The following RARB variants were observed in gnomAD, a reference collection of about 807,000 sequenced individuals.
RARB encodes retinoic acid receptor beta.
In RARB, 17 loss-of-function variants were observed where a neutral mutation model predicts 51.9. That is an observed-to-expected ratio of 0.33 (90% CI 0.22 to 0.49). RARB has a LOEUF of 0.49. Ranked by LOEUF, RARB falls within the 20% of genes least tolerant of loss-of-function variation. The pLI is 0.99. For synonymous variants in RARB, 215 were observed against 195.4 expected (o/e 1.10, Z -0.84); for missense variants, 369 against 550.8 (o/e 0.67, Z 3.30).
chr3:24,855,879 G>A (rs1702627600), intron 1 of RARB, among the ~76,000 whole-genome samples: 1 of 151,358 alleles, frequency 6.6e-6, no homozygotes, highest in Non-Finnish European at 1.5e-5. Context: ...AGCCTCCCGA[G>A]TAGCTGGGAC....
At chr3:25,190,462 G>A (rs75798735) in intron 5 of RARB, among the ~76,000 whole-genome samples, 1 of 152,022 alleles carries the variant, frequency 6.6e-6, no homozygotes, top group Non-Finnish European at 1.5e-5. Context: ...CTTACTGTGG[G>A]TCTTGCATTA....
At position 25,561,246 on chromosome 3, in the gene RARB, A is replaced by G. The variant is rs575234132; in HGVS notation, c.449-8512A>G. ...GATGTGGGTGGGATCTTTGAGTGGT[A>G]GGAATGACCAATTGTTTTCTTTCTT... On this transcript the variant is annotated intron_variant, in intron 3 of 7. Coordinates refer to ENST00000330688, the MANE Select transcript of RARB (RefSeq NM_000965.5). 3.8e-3 allele frequency among the ~76,000 whole-genome samples: 582 copies of G among 152,320 alleles called. 1 individual carries two copies. Among genetic ancestry groups the G allele is most frequent in the African/African-American group, 0.013 (550 of 41,570 alleles).
intron 5 of RARB, among the ~76,000 whole-genome samples, chr3:25,320,373 C>T (rs1376596881): frequency 6.6e-6 from 1 of 152,170 alleles, no homozygotes; most frequent in Non-Finnish European, 1.5e-5. Context: ...TTCACACCAG[C>T]TTCAGATTGA....
chr3:25,500,282 G>A (rs973897852), intron 2 of RARB, among the ~76,000 whole-genome samples: 1 of 151,970 alleles, frequency 6.6e-6, no homozygotes, highest in Non-Finnish European at 1.5e-5. Context: ...GCTCTAACAT[G>A]CCATTAAATG....
intron 2 of RARB, among the ~76,000 whole-genome samples, chr3:24,877,045 G>A (rs1045820088): frequency 2.0e-5 from 3 of 152,074 alleles, no homozygotes; most frequent in African/African-American, 4.8e-5. Context: ...AAATGTATTT[G>A]TTTTATCATG....
rs76236339 is a variant in RARB at position 25,132,605 on chromosome 3, G to A, written c.-280+397G>A. On this transcript the variant is annotated intron_variant, in intron 4 of 11. Transcript: ENST00000383772. ...TTATGGAAGTAAAAGATGATGAAATGAAAACATGTAAACTAATTCATCCAA... is the reference window on the plus strand; with the variant it reads ...TTATGGAAGTAAAAGATGATGAAATAAAAACATGTAAACTAATTCATCCAA... 2.7e-3 allele frequency among the ~76,000 whole-genome samples: 405 copies of A among 152,004 alleles called. 1 individual carries two copies. The highest frequency in any genetic ancestry group is 9.0e-3 in the African/African-American group (372 of 41,516).
intron 3 of RARB, among the ~76,000 whole-genome samples, chr3:25,536,259 A>G (rs1336258047): frequency 6.6e-6 from 1 of 152,226 alleles, no homozygotes; most frequent in Non-Finnish European, 1.5e-5. Flanking sequence ...TCACACAGCT[A>G]GTTAGAGACA....
At chr3:25,384,056 A>T (rs1338474872) in intron 5 of RARB, among the ~76,000 whole-genome samples, 1 of 152,224 alleles carries the variant, frequency 6.6e-6, no homozygotes, top group Non-Finnish European at 1.5e-5. Flanking sequence ...TGGAAGAAGA[A>T]AAAAACAGAA....
chr3:24,937,356 C>T (rs1695567603), intron 2 of RARB, among the ~76,000 whole-genome samples: 2 of 152,154 alleles, frequency 1.3e-5, no homozygotes, highest in African/African-American at 4.8e-5. Context: ...ACCCAGTTCT[C>T]TTGCATGAAG....
intron 5 of RARB, among the ~76,000 whole-genome samples, chr3:25,218,320 C>T (rs1701877375): frequency 6.6e-6 from 1 of 151,974 alleles, no homozygotes; most frequent in African/African-American, 2.4e-5. Flanking sequence ...CGCGTGTGCA[C>T]ACACATATCC....
At chr3:25,565,691 C>G (rs1253479037) in intron 3 of RARB, among the ~76,000 whole-genome samples, 1 of 152,232 alleles carries the variant, frequency 6.6e-6, no homozygotes, top group African/African-American at 2.4e-5. Flanking sequence ...CTGCCACTGA[C>G]AGCCACAGGC....
At chr3:25,524,907 T>C (rs775771677) in intron 3 of RARB, among the ~76,000 whole-genome samples, 3 of 152,060 alleles carry the variant, frequency 2.0e-5, no homozygotes, top group South Asian at 4.2e-4. Context: ...TTTTTGTATA[T>C]TTATAGAGAC....
chr3:24,989,305 A>G (rs1192410077), intron 2 of RARB, among the ~76,000 whole-genome samples: 1 of 152,216 alleles, frequency 6.6e-6, no homozygotes, highest in Non-Finnish European at 1.5e-5. Context: ...TGTCATAGCT[A>G]TATCAGGTGT....
intron 5 of RARB, among the ~76,000 whole-genome samples, chr3:25,352,677 C>T (rs900473716): frequency 6.6e-6 from 1 of 152,194 alleles, no homozygotes; most frequent in African/African-American, 2.4e-5. Flanking sequence ...ATCATGTCAG[C>T]AGGACAAAAT....
intron 5 of RARB, among the ~76,000 whole-genome samples, chr3:25,417,926 A>C (rs906932141): frequency 1.3e-5 from 2 of 151,394 alleles, no homozygotes; most frequent in African/African-American, 4.9e-5. Flanking sequence ...CCACATGGAC[A>C]TTCAGGGAGC....
At chr3:25,167,971 A>G (rs573983878) in intron 4 of RARB, among the ~76,000 whole-genome samples, 1 of 152,364 alleles carries the variant, frequency 6.6e-6, no homozygotes, top group South Asian at 2.1e-4. Context: ...GAGTCCCACA[A>G]TGAAATAAAT....
intron 2 of RARB, among the ~76,000 whole-genome samples, chr3:24,902,281 G>A (rs895316209): frequency 2.6e-5 from 4 of 152,106 alleles, no homozygotes; most frequent in African/African-American, 9.7e-5. Context: ...GTACATATGT[G>A]GCATGCCTCC....
chr3:24,941,494 C>T (rs760302915), intron 2 of RARB, among the ~76,000 whole-genome samples: 14 of 151,928 alleles, frequency 9.2e-5, no homozygotes, highest in African/African-American at 1.5e-4. Context: ...CTCAGTCTCC[C>T]GAATAGCTGG....
intron 2 of RARB, among the ~76,000 whole-genome samples, chr3:25,041,401 A>G (rs1338810961): frequency 6.6e-6 from 1 of 152,196 alleles, no homozygotes; most frequent in Admixed American, 6.5e-5. Flanking sequence ...GAAAGTTCAT[A>G]GAACAAGGTC....
Sources: allele counts gnomAD v4.1 joint callset (sites outside exome capture counted in the v4.1 genomes callset), GRCh38; gene constraint gnomAD v4.1.1; transcripts MANE v1.5; gene names NCBI Gene and HGNC (gene_info 2026-07-23, HGNC 2026-07-21).